Variants in G6PD observed in about 807,000 individuals in gnomAD.
The protein encoded by G6PD is glucose-6-phosphate 1-dehydrogenase.
In G6PD, 2 loss-of-function variants were observed where a neutral mutation model predicts 38.2. That is an observed-to-expected ratio of 0.05 (90% confidence interval 0.02 to 0.16). G6PD has a LOEUF of 0.16. G6PD is among the 10% of genes least tolerant of loss of function. The pLI is 1.00. For missense variants in G6PD, 310 were observed against 471.6 expected, an observed-to-expected ratio of 0.66 and a Z score of 3.17; for synonymous variants, 188 against 196.0, an observed-to-expected ratio of 0.96 and a Z score of 0.34.
At chrX:154,543,569 A>G (rs2070589794) in intron 2 of G6PD, among the ~76,000 whole-genome samples, 1 of 112,320 alleles carries the variant, frequency 8.9e-6, no homozygotes, top group African/African-American at 3.2e-5. Flanking sequence ...TTGTGACAGC[A>G]TGGGGTGGGG....
intron 7 of G6PD, 149 bp from the exon 8 acceptor site, chrX:154,533,818 G>T: frequency 8.5e-7 from 1 of 1,179,949 alleles, no homozygotes; most frequent in Non-Finnish European, 1.1e-6. Context: ...CTTAAATCAA[G>T]GAAGGACATG....
At chrX:154,536,489 A>G (rs1001076759) in intron 2 of G6PD, among the ~76,000 whole-genome samples, 1 of 112,303 alleles carries the variant, frequency 8.9e-6, no homozygotes, top group Admixed American at 9.4e-5. Flanking sequence ...AAGTGCTTAC[A>G]TTAGCAAAAA....
intron 2 of G6PD, chrX:154,542,206 T>C: frequency 2.5e-6 from 2 of 786,707 alleles, no homozygotes; most frequent in South Asian, 4.9e-5. Flanking sequence ...CGGGGGCCGC[T>C]GGGTCATCCC....
chrX:154,539,536 G>A (rs1474393259), intron 2 of G6PD, among the ~76,000 whole-genome samples: 1 of 110,756 alleles, frequency 9.0e-6, no homozygotes. Context: ...ACAATGGAGC[G>A]GAGGGTGGGG....
intron 7 of G6PD, 98 bp downstream of exon 7, chrX:154,533,937 T>C (rs1368689638): frequency 1.7e-6 from 2 of 1,201,239 alleles, no homozygotes; most frequent in East Asian, 5.9e-5. Flanking sequence ...AACTGCAGGG[T>C]GAGGAGGAGC....
chrX:154,537,483 C>T (rs1435237953), intron 2 of G6PD, among the ~76,000 whole-genome samples: 18 of 111,104 alleles, frequency 1.6e-4, no homozygotes, highest in Admixed American at 7.6e-4. Flanking sequence ...GGCATGGTGG[C>T]CCATGCCTGT....
Position 154,534,506 on chromosome X carries a change from G to A in G6PD, c.486-10C>T. On this transcript the variant is annotated splice_polypyrimidine_tract_variant and intron_variant, in intron 5 of 12. Coordinates refer to ENST00000393562, the MANE Select transcript of G6PD (RefSeq NM_001360016.2). ...GATGCGGTTCCAGCCTCTGCTGGGA[G>A]CCCGGAGCTGCGTTACCCCCTTGAA... 5.0e-6 allele frequency: 6 copies of A among 1,210,035 alleles called. No individual in the cohort carries two copies. Among genetic ancestry groups the A allele is most frequent in the Non-Finnish European group, 6.7e-6 (6 of 895,120 alleles).
intron 8 of G6PD, 79 bp downstream of exon 8, chrX:154,533,497 T>C: frequency 1.7e-6 from 2 of 1,146,479 alleles, no homozygotes; most frequent in Non-Finnish European, 2.4e-6. Flanking sequence ...CTGCTCTGCA[T>C]GCACACCCCA....
intron 2 of G6PD, chrX:154,542,547 A>C: frequency 9.6e-7 from 1 of 1,040,922 alleles, no homozygotes; most frequent in Non-Finnish European, 1.3e-6. Flanking sequence ...CAGGGCCCCC[A>C]GGAAGGAAGC....
At chrX:154,540,417 C>T (rs1264890699) in intron 2 of G6PD, among the ~76,000 whole-genome samples, 1 of 109,922 alleles carries the variant, frequency 9.1e-6, no homozygotes, top group Non-Finnish European at 1.9e-5. Flanking sequence ...TGCAGTGAGC[C>T]AAGATTGCGC....
chrX:154,537,330 C>G (rs2070421031), intron 2 of G6PD, among the ~76,000 whole-genome samples: 1 of 108,953 alleles, frequency 9.2e-6, no homozygotes, highest in Non-Finnish European at 1.9e-5. Flanking sequence ...AAAAAAACAA[C>G]TAAACAGCTG....
intron 1 of G6PD, among the ~76,000 whole-genome samples, chrX:154,546,560 G>A (rs2070723503): frequency 9.0e-6 from 1 of 111,015 alleles, no homozygotes; most frequent in Non-Finnish European, 1.9e-5. Flanking sequence ...CTGGAGTTCA[G>A]CTCCAGCCCT....
In G6PD at chrX:154,532,207, T is replaced by TGGG; in HGVS notation, c.1435_1437dup (p.Pro479dup). 8.3e-7 allele frequency: 1 copy of TGGG among 1,210,700 alleles called. No homozygotes were observed. The highest frequency in any genetic ancestry group is 1.1e-6 in the Non-Finnish European group (1 of 895,132). On this transcript the variant is annotated inframe_insertion, in exon 12 of 13. Transcript: ENST00000393562. ...CCTCACCTGCCATAAATATAGGGGA[T>TGGG]GGGCTTGGGCTTCTCCAGCTCAATC...
upstream of G6PD, chrX:154,546,969 G>C: frequency 3.1e-6 from 1 of 325,215 alleles, no homozygotes; most frequent in Non-Finnish European, 4.7e-6. Context: ...CGTGCGGGCG[G>C]GGCGGGGCGA....
Position 154,535,702 on chromosome X carries a change from C to G in G6PD, c.267+235G>C, listed in dbSNP as rs991049041. ...GAAAGCTCTCTCTCCAAAATCATGA[C>G]ACCCAACTATGATTGGCGGAGAAAA... On this transcript the variant is annotated intron_variant, in intron 4 of 12. Coordinates refer to ENST00000393562, the MANE Select transcript of G6PD (RefSeq NM_001360016.2). 29 of 454,415 alleles carry G rather than the reference C, an allele frequency of 6.4e-5. No homozygotes were observed. In the Admixed American group the frequency reaches 6.8e-4, roughly 11 times the overall value. 37.4% of individuals were successfully genotyped at this position (454,415 alleles called of 1,213,427 possible).
upstream of G6PD, chrX:154,546,971 G>GCCT (rs2148353973): frequency 3.2e-6 from 1 of 309,026 alleles, no homozygotes; most frequent in East Asian, 6.9e-5. Flanking sequence ...TGCGGGCGGG[G>GCCT]CGGGGCGAGG....
chrX:154,534,125 C>A lies in G6PD; in HGVS notation c.680G>T (p.Arg227Leu), dbSNP rs137852328. The change falls in exon 7 of 13, where the codon CGG becomes CTG. Residue 227 changes from arginine (R) to leucine (L), a missense_variant. This residue lies in a region of G6PD where 168 missense variants were observed against 309.2 expected (regional missense o/e 0.54). Transcript: ENST00000393562. Reference protein sequence around the residue: ...ANRIFGPIWNRDNIACVILTF... With the variant: ...ANRIFGPIWNLDNIACVILTF... ...GAGGATAACGCAGGCGATGTTGTCC[C>A]GGTTCCAGATGGGGCCGAAGATCCT... 1 of 1,211,925 alleles carries A rather than the reference C, an allele frequency of 8.3e-7. No homozygotes were observed. Among genetic ancestry groups the A allele is most frequent in the African/African-American group, 1.7e-5 (1 of 57,871 alleles).
rs782250606 is a variant in G6PD, at chrX:154,532,420, C to T, written c.1330G>A (p.Val444Ile). The change falls in exon 11 of 13, where the codon GTC becomes ATC. Residue 444 changes from valine (V) to isoleucine (I), a missense_variant. Around this residue, in one of 4 missense-constraint regions of G6PD, gnomAD observed 168 missense variants for 309.2 expected, o/e 0.54. Transcript: ENST00000393562. The stretch of plus-strand genomic sequence containing the variant: ...AAGTGCATCTGGCTCCCGCAGAAGA[C>T]GTCCAGGATGAGGCGCTCATAGGCG... ...PDAYERLILD[V>I]FCGSQMHFVR... 1.2e-5 allele frequency: 14 copies of T among 1,210,452 alleles called. No individual in the cohort carries two copies. The highest frequency in any genetic ancestry group is 1.7e-5 in the African/African-American group (1 of 57,422).
At chrX:154,535,520 G>A (rs2070398185) in intron 4 of G6PD, 135 bp from the exon 5 acceptor site, 6 of 572,709 alleles carry the variant, frequency 1.0e-5, no homozygotes, top group South Asian at 7.8e-5. Context: ...CAGTGTCCCC[G>A]TCCCACACTG....
Sources: gnomAD v4.1 joint callset for allele counts (sites outside exome capture counted in the v4.1 genomes callset) on GRCh38, gnomAD v4.1.1 for gene constraint, gnomAD v4.1.1 regional missense constraint, MANE v1.5 for transcripts, NCBI Gene and HGNC (gene_info 2026-07-23, HGNC 2026-07-21) for gene names.